The following CNTNAP2 variants were observed in gnomAD, a reference collection of about 807,000 sequenced individuals.
CNTNAP2 encodes contactin associated protein 2.
CNTNAP2 carries 98 observed loss-of-function variants against 155.2 expected under a neutral mutation model. The ratio of observed to expected loss-of-function variants is 0.63; its 90% CI spans 0.54 to 0.75. The LOEUF (loss-of-function observed/expected upper bound fraction) is 0.75, where lower values mean the gene tolerates loss of function less well. Among genes scored for constraint, CNTNAP2 ranks in the 30% least tolerant of loss-of-function variants. The probability of loss-of-function intolerance (pLI) is 0.00; values close to 1 mark genes in which losing one functional copy is unlikely to be tolerated. For missense variants in CNTNAP2, 1,727 were observed against 1,688.1 expected (o/e 1.02, Z -0.40); for synonymous variants, 651 against 631.2 (o/e 1.03, Z -0.47).
chr7:146,851,387 T>G (rs1207437482), intron 3 of CNTNAP2, among the ~76,000 whole-genome samples: 3 of 152,130 alleles, frequency 2.0e-5, no homozygotes, highest in Admixed American at 2.0e-4. Context: ...TTGTTGGTGT[T>G]GCTGTTTTCA....
intron 10 of CNTNAP2, among the ~76,000 whole-genome samples, chr7:147,417,682 C>A (rs960903538): frequency 6.6e-6 from 1 of 151,950 alleles, no homozygotes; most frequent in South Asian, 2.1e-4. Flanking sequence ...TGTATGGAAC[C>A]CGTATCTGAT....
intron 1 of CNTNAP2, among the ~76,000 whole-genome samples, chr7:146,709,753 T>A (rs951731019): frequency 6.6e-6 from 1 of 151,798 alleles, no homozygotes; most frequent in Non-Finnish European, 1.5e-5. Context: ...CAGACTGGAG[T>A]TGAGATTTTC....
At chr7:147,234,594 C>G (rs1032152099) in intron 8 of CNTNAP2, among the ~76,000 whole-genome samples, 9 of 152,126 alleles carry the variant, frequency 5.9e-5, no homozygotes, top group African/African-American at 2.2e-4. Context: ...CCGCCTCAGC[C>G]TCCCAAAGTG....
intron 8 of CNTNAP2, among the ~76,000 whole-genome samples, chr7:147,162,549 T>C (rs1021415670): frequency 3.3e-5 from 5 of 152,294 alleles, no homozygotes; most frequent in Middle Eastern, 3.4e-3. Context: ...AAAATATTTG[T>C]TTATAATAGT....
chr7:147,673,318 C>A (rs1459605455), intron 13 of CNTNAP2, among the ~76,000 whole-genome samples: 5 of 152,184 alleles, frequency 3.3e-5, no homozygotes, highest in African/African-American at 1.2e-4. Flanking sequence ...TACCATGTAA[C>A]TGATTATCAT....
At chr7:146,684,795 A>G (rs563331745) in intron 1 of CNTNAP2, among the ~76,000 whole-genome samples, 36 of 152,262 alleles carry the variant, frequency 2.4e-4, no homozygotes, top group African/African-American at 8.4e-4. Context: ...GTTTGTTTTC[A>G]AAGAATCAGG....
At chr7:146,128,863 T>A (rs914868629) in intron 1 of CNTNAP2, among the ~76,000 whole-genome samples, 3 of 144,572 alleles carry the variant, frequency 2.1e-5, no homozygotes, top group Non-Finnish European at 4.5e-5. Flanking sequence ...CTGTAAGTAA[T>A]CTTGGTATTA....
intron 8 of CNTNAP2, among the ~76,000 whole-genome samples, chr7:147,235,484 C>T (rs1308034903): frequency 1.3e-5 from 2 of 152,002 alleles, no homozygotes; most frequent in Non-Finnish European, 2.9e-5. Flanking sequence ...ATGAGAATGC[C>T]TTTTCCCTTG....
chr7:147,215,449 G>A (rs1181857333), intron 8 of CNTNAP2, among the ~76,000 whole-genome samples: 11 of 152,212 alleles, frequency 7.2e-5, no homozygotes, highest in Middle Eastern at 3.4e-3. Flanking sequence ...GACTCATACA[G>A]TATGTAGCCT....
At chr7:147,127,895 C>T (rs2129284245) in intron 6 of CNTNAP2, among the ~76,000 whole-genome samples, 1 of 152,138 alleles carries the variant, frequency 6.6e-6, no homozygotes, top group Non-Finnish European at 1.5e-5. Context: ...ATTCACTATT[C>T]ATAGTAAATA....
At chr7:146,225,834 ATAAT>A (rs1799284311) in intron 1 of CNTNAP2, among the ~76,000 whole-genome samples, 1 of 152,208 alleles carries the variant, frequency 6.6e-6, no homozygotes, top group African/African-American at 2.4e-5. Context: ...ATAATTTCAT[ATAAT>A]TAGTCTCTTT....
chr7:146,814,545 C>A (rs1803126584), intron 2 of CNTNAP2, among the ~76,000 whole-genome samples: 1 of 152,020 alleles, frequency 6.6e-6, no homozygotes, highest in South Asian at 2.1e-4. Flanking sequence ...ATGTTTGGAT[C>A]TCATATTAGT....
chr7:147,424,408 T>C (rs1797345596), intron 10 of CNTNAP2, among the ~76,000 whole-genome samples: 1 of 152,152 alleles, frequency 6.6e-6, no homozygotes, highest in South Asian at 2.1e-4. Flanking sequence ...TTGATACAAA[T>C]CATTCCGTCT....
intron 4 of CNTNAP2, among the ~76,000 whole-genome samples, chr7:147,086,650 G>T (rs1033575266): frequency 1.3e-5 from 2 of 151,936 alleles, no homozygotes; most frequent in Non-Finnish European, 2.9e-5. Flanking sequence ...TGTTGCCCAG[G>T]CTGGCTCAAA....
chr7:147,717,935 GT>G (rs564749848), intron 13 of CNTNAP2, among the ~76,000 whole-genome samples: 13 of 147,150 alleles, frequency 8.8e-5, no homozygotes, highest in East Asian at 2.0e-4. Flanking sequence ...AATTTCCTCT[GT>G]TTTTTTTTTC....
At chr7:147,315,111 CAA>C (rs61529667) in intron 9 of CNTNAP2, among the ~76,000 whole-genome samples, 52,675 of 106,876 alleles carry the variant, frequency 0.49, 9,568 homozygotes, top group Non-Finnish European at 0.55. Context: ...GGGTACTTTA[CAA>C]AAAAAAAAAA....
chr7:147,957,289 C>T (rs2708252), intron 14 of CNTNAP2, among the ~76,000 whole-genome samples: 126,758 of 152,040 alleles, frequency 0.83, 53,287 homozygotes, highest in South Asian at 0.92. Flanking sequence ...TTGTTTGTTT[C>T]TCAAAGATGT....
chr7:146,953,020 G>C (rs1016304741), intron 3 of CNTNAP2, among the ~76,000 whole-genome samples: 1 of 152,048 alleles, frequency 6.6e-6, no homozygotes, highest in Non-Finnish European at 1.5e-5. Flanking sequence ...TATATTCAGT[G>C]AGAATGAAAT....
In CNTNAP2 at chr7:148,416,825, G is replaced by T. The variant is rs986958157; in HGVS notation, c.*1209G>T. On this transcript the variant is annotated 3_prime_UTR_variant, in exon 24 of 24. Coordinates refer to ENST00000361727, the MANE Select transcript of CNTNAP2 (RefSeq NM_014141.6). ...TAAGACGGACACATTTGAACCTCAGGTTCATCACAAACCTGGTACCTGTTG... is the reference window on the plus strand; with the variant it reads ...TAAGACGGACACATTTGAACCTCAGTTTCATCACAAACCTGGTACCTGTTG... 6.6e-6 allele frequency: 1 copy of T among 152,618 alleles called. No individual in the cohort carries two copies. Among genetic ancestry groups the T allele is most frequent in the Non-Finnish European group, 1.5e-5 (1 of 68,046 alleles). The allele number at this position is 152,618 out of a possible 1,614,324, so 9.5% of individuals were successfully genotyped here. A position where few individuals can be genotyped will look rare whatever the true frequency, so the allele number is the denominator to read the frequency against.
Sources: allele counts gnomAD v4.1 joint callset (sites outside exome capture counted in the v4.1 genomes callset), GRCh38; gene constraint gnomAD v4.1.1; transcripts MANE v1.5; gene names NCBI Gene and HGNC (gene_info 2026-07-23, HGNC 2026-07-21).